The following AP1G1 variants were observed in gnomAD, a reference collection of about 807,000 sequenced individuals.
The protein encoded by AP1G1 is adaptor related protein complex 1 subunit gamma 1.
AP1G1 carries 7 observed loss-of-function variants against 108.3 expected under a neutral mutation model. That is an observed-to-expected ratio of 0.06 (90% CI 0.04 to 0.12). The LOEUF (loss-of-function observed/expected upper bound fraction) is 0.12. Ranked by LOEUF, AP1G1 falls within the 10% of genes least tolerant of loss-of-function variation. The pLI is 1.00. For missense variants in AP1G1, 756 were observed against 1,010.7 expected, an observed-to-expected ratio of 0.75 and a Z score of 3.42; for synonymous variants, 379 against 353.5, an observed-to-expected ratio of 1.07 and a Z score of -0.81.
At chr16:71,736,117 A>AAAAAAAATAT (rs1555550846) in intron 21 of AP1G1, among the ~76,000 whole-genome samples, 2 of 71,622 alleles carry the variant, frequency 2.8e-5, no homozygotes, top group South Asian at 5.2e-4. Context: ...AAAAAAAAAA[A>AAAAAAAATAT]ATATATATAT....
At chr16:71,793,534 C>T (rs1052044992) in intron 1 of AP1G1, among the ~76,000 whole-genome samples, 1 of 152,130 alleles carries the variant, frequency 6.6e-6, no homozygotes, top group Non-Finnish European at 1.5e-5. Flanking sequence ...CAAAAACAAA[C>T]AAATAAATAA....
At chr16:71,784,210 A>G (rs1409382091) in intron 2 of AP1G1, among the ~76,000 whole-genome samples, 1 of 152,144 alleles carries the variant, frequency 6.6e-6, no homozygotes, top group African/African-American at 2.4e-5. Context: ...CTTATAACTT[A>G]ATCTTCATAA....
chr16:71,742,369 A>G (rs1389748768), intron 19 of AP1G1: 1 of 152,076 alleles, frequency 6.6e-6, no homozygotes, highest in Non-Finnish European at 1.5e-5. Flanking sequence ...ATAAAAATAA[A>G]ATATAATAGG....
chr16:71,791,636 G>C (rs1323223953), intron 1 of AP1G1, among the ~76,000 whole-genome samples: 1 of 143,562 alleles, frequency 7.0e-6, no homozygotes, highest in Non-Finnish European at 1.5e-5. Context: ...AGTAAGCTGT[G>C]ACACTGTATC....
intron 2 of AP1G1, among the ~76,000 whole-genome samples, chr16:71,784,899 T>C (rs191795598): frequency 2.0e-5 from 3 of 150,510 alleles, no homozygotes; most frequent in Non-Finnish European, 1.5e-5. Context: ...ACTTTTAAAA[T>C]ATAGCTACTA....
chr16:71,777,106 C>CAAAAAAAAA (rs57955419), intron 2 of AP1G1, among the ~76,000 whole-genome samples: 2 of 48,064 alleles, frequency 4.2e-5, no homozygotes, highest in Non-Finnish European at 6.9e-5. Context: ...CAAACTGTTA[C>CAAAAAAAAA]AAAAAAAAAA....
chr16:71,736,847 G>A (rs1179654358), intron 21 of AP1G1, among the ~76,000 whole-genome samples: 2 of 150,082 alleles, frequency 1.3e-5, no homozygotes, highest in African/African-American at 4.9e-5. Flanking sequence ...CGCCTGCCTC[G>A]GCCTCCCAAA....
intron 1 of AP1G1, chr16:71,808,553 C>T (rs1395520997): frequency 6.2e-6 from 8 of 1,288,032 alleles, no homozygotes; most frequent in South Asian, 1.2e-5. Flanking sequence ...CGGAACCTCC[C>T]GGTCCGAGGC....
intron 1 of AP1G1, among the ~76,000 whole-genome samples, chr16:71,797,581 A>G (rs564838658): frequency 6.6e-6 from 1 of 152,046 alleles, no homozygotes; most frequent in Non-Finnish European, 1.5e-5. Context: ...TAGGCAGATC[A>G]TGAGGTCAGG....
At chr16:71,765,326 T>C (rs2031269902) in intron 7 of AP1G1, among the ~76,000 whole-genome samples, 163 bp downstream of exon 7, 1 of 152,234 alleles carries the variant, frequency 6.6e-6, no homozygotes, top group African/African-American at 2.4e-5. Flanking sequence ...GACCTGTAAT[T>C]GTATCCTCTT....
chr16:71,776,020 C>A (rs750262391), intron 2 of AP1G1, among the ~76,000 whole-genome samples: 1 of 152,156 alleles, frequency 6.6e-6, no homozygotes, highest in Non-Finnish European at 1.5e-5. Flanking sequence ...ATTCAAAGTG[C>A]GTACACAAGA....
At chr16:71,767,691 G>C (rs12920243) in intron 6 of AP1G1, among the ~76,000 whole-genome samples, 51,950 of 152,020 alleles carry the variant, frequency 0.34, 9,690 homozygotes, top group East Asian at 0.76. Context: ...TTTGGAGTCA[G>C]GAGTTTAAGT....
chr16:71,774,679 C>A, intron 2 of AP1G1, 87 bp from the exon 3 acceptor site: 4 of 1,388,366 alleles, frequency 2.9e-6, no homozygotes, highest in Non-Finnish European at 3.9e-6. Flanking sequence ...GAGTCCCCAG[C>A]TGGCTAAAGT....
chr16:71,767,562 G>C (rs1297673446), intron 6 of AP1G1, among the ~76,000 whole-genome samples: 4 of 152,130 alleles, frequency 2.6e-5, no homozygotes, highest in Admixed American at 2.6e-4. Context: ...GACTAATCTG[G>C]AATTGCCATC....
chr16:71,756,339 G>A, intron 11 of AP1G1, 180 bp from the exon 12 acceptor site: 1 of 479,722 alleles, frequency 2.1e-6, no homozygotes. Flanking sequence ...CATAATCAAA[G>A]TTAGTTTTGA....
intron 6 of AP1G1, 43 bp downstream of exon 6, chr16:71,769,580 T>C: frequency 6.5e-7 from 1 of 1,535,444 alleles, no homozygotes; most frequent in Non-Finnish European, 9.0e-7. Flanking sequence ...AGGAAAATCA[T>C]TTTTCAATCA....
Position 71,791,010 on chromosome 16 carries a change from C to G in AP1G1, c.-3-1528G>C, listed in dbSNP as rs149165153. 4.4e-4 allele frequency among the ~76,000 whole-genome samples: 67 copies of G among 152,234 alleles called. 1 individual carries two copies. The highest frequency in any genetic ancestry group is 1.5e-3 in the African/African-American group (61 of 41,556). On this transcript the variant is annotated intron_variant, in intron 1 of 22. Transcript: ENST00000299980. The stretch of plus-strand genomic sequence containing the variant: ...CCAAGGCAGGCAGATCACCTGAGGT[C>G]AGAAGTTCGAAACCAGCCTGGCCAA...
chr16:71,783,889 G>A (rs2032110436), intron 2 of AP1G1, among the ~76,000 whole-genome samples: 1 of 152,128 alleles, frequency 6.6e-6, no homozygotes, highest in Non-Finnish European at 1.5e-5. Context: ...CACATCTGTG[G>A]AAGAATTTGG....
chr16:71,758,937 G>A lies in AP1G1; in HGVS notation c.975-16C>T. 7.0e-7 allele frequency: 1 copy of A among 1,435,496 alleles called. No individual in the cohort carries two copies. The highest frequency in any genetic ancestry group is 9.6e-7 in the Non-Finnish European group (1 of 1,037,234). 88.9% of individuals were successfully genotyped at this position (1,435,496 alleles called of 1,614,324 possible). On this transcript the variant is annotated splice_polypyrimidine_tract_variant and intron_variant, in intron 10 of 22. Transcript: ENST00000299980. ...AGCCACATATCTGGATGAAACAGTT[G>A]CAAAATAACAGAGTTAAAATGTAAA...
Sources: gnomAD v4.1 joint callset for allele counts (sites outside exome capture counted in the v4.1 genomes callset) on GRCh38, gnomAD v4.1.1 for gene constraint, MANE v1.5 for transcripts, NCBI Gene and HGNC (gene_info 2026-07-23, HGNC 2026-07-21) for gene names.